NKD2: variants seen among roughly 807,000 people sequenced by gnomAD.
NKD2 encodes the protein NKD inhibitor of Wnt signaling pathway 2.
A neutral mutation model predicts 34.8 loss-of-function variants in NKD2; 43 were observed. That is an observed-to-expected ratio of 1.24 (90% CI 0.97 to 1.60). NKD2 has a LOEUF of 1.60. Among genes scored for constraint, NKD2 ranks in the 40% most tolerant of loss-of-function variants. The probability of loss-of-function intolerance (pLI) is 0.00; values close to 1 mark genes in which losing one functional copy is unlikely to be tolerated. For synonymous variants in NKD2, 278 were observed against 265.1 expected (o/e 1.05, Z -0.47); for missense variants, 675 against 627.1 (o/e 1.08, Z -0.82).
At chr5:1,014,775 G>A (rs1210831576) in intron 3 of NKD2, among the ~76,000 whole-genome samples, 3 of 152,242 alleles carry the variant, frequency 2.0e-5, no homozygotes, top group East Asian at 1.9e-4. Flanking sequence ...TGCGGCCAAG[G>A]GATACCCACT....
In NKD2 at chr5:1,017,955, C is replaced by T. The variant is rs563782501; in HGVS notation, c.141+8395C>T. ...GGGTGTGGGACAGGCCAGGCAGGGG[C>T]GGGGGCTGCCACTTGATGTGGGTGT... On this transcript the variant is annotated intron_variant, in intron 3 of 9. Coordinates refer to ENST00000296849, the MANE Select transcript of NKD2 (RefSeq NM_033120.4). Among the ~76,000 whole-genome samples the T allele has an allele frequency of 7.9e-5, 12 of 151,974 alleles. No individual in the cohort carries two copies. In the South Asian group the frequency reaches 2.3e-3, roughly 29 times the overall value.
At chr5:1,029,551 C>A (rs1271659836) in intron 3 of NKD2, among the ~76,000 whole-genome samples, 2 of 152,162 alleles carry the variant, frequency 1.3e-5, no homozygotes, top group Non-Finnish European at 2.9e-5. Context: ...CCAGTGAAAT[C>A]CCCCACAAGT....
chr5:1,016,346 G>A (rs951589956), intron 3 of NKD2, among the ~76,000 whole-genome samples: 5 of 152,362 alleles, frequency 3.3e-5, no homozygotes, highest in East Asian at 1.9e-4. Context: ...TCACGCTGGC[G>A]TGAAACAAAT....
intron 9 of NKD2, chr5:1,036,785 C>T (rs34309815): frequency 0.42 from 195,542 of 465,624 alleles, 42,773 homozygotes; most frequent in Middle Eastern, 0.51. Context: ...TGTGGATGGC[C>T]GGCAGTGTGG....
chr5:1,033,241 C>G (rs529268157), intron 4 of NKD2, 131 bp from the exon 5 acceptor site: 18 of 883,758 alleles, frequency 2.0e-5, no homozygotes, highest in Non-Finnish European at 3.0e-5. Context: ...GTCCCAAGAT[C>G]GGGCTCTCAG....
At position 1,038,218 on chromosome 5, in the gene NKD2, G is replaced by T. The variant is rs759519236; in HGVS notation, c.1201G>T (p.Ala401Ser). The T allele has an allele frequency of 8.2e-6, 13 of 1,591,120 alleles. No homozygotes were observed. The highest frequency in any genetic ancestry group is 1.7e-5 in the Admixed American group (1 of 57,736). Residue 401 changes from alanine (A) to serine (S), a missense_variant, in exon 10 of 10, where the codon GCT (alanine) becomes TCT (serine). Physicochemically the swap from Ala to Ser is moderately conservative, Grantham distance 99. Coordinates refer to ENST00000296849, the MANE Select transcript of NKD2 (RefSeq NM_033120.4). The surrounding 1 kb of genome is among the most constrained non-coding windows in gnomAD (Gnocchi z 4.5). ...CCACTCGCCACTCAAGGCCCCACAC[G>T]CTCAGCCTGCCACAGTGGAGCACGA... ...EGHSPLKAPH[A>S]QPATVEHEVV...
intron 3 of NKD2, among the ~76,000 whole-genome samples, chr5:1,020,163 T>C (rs1055782748): frequency 1.3e-5 from 2 of 152,104 alleles, no homozygotes; most frequent in African/African-American, 4.8e-5. Flanking sequence ...AGTTGTGAAA[T>C]GGTTGTCTAA....
rs2150754837 is a variant in NKD2, at chr5:1,038,625, T to C, written c.*252T>C. 1 of 730,982 alleles carries C rather than the reference T, an allele frequency of 1.4e-6. No homozygotes were observed. The highest frequency in any genetic ancestry group is 2.3e-6 in the Non-Finnish European group (1 of 428,240). 45.3% of individuals were successfully genotyped at this position (730,982 alleles called of 1,614,324 possible). ...GCGGTGAACACATCTGAAGCCACTA[T>C]GTTTCCTGGCTCTAAGGCTCGTCTG... is the stretch of plus-strand genomic sequence containing the variant. On this transcript the variant is annotated 3_prime_UTR_variant, in exon 10 of 10. Transcript: ENST00000296849. The surrounding 1 kb of genome is among the most constrained non-coding windows in gnomAD (Gnocchi z 4.5).
intron 8 of NKD2, chr5:1,036,045 C>T (rs982456594): frequency 8.2e-7 from 1 of 1,216,484 alleles, no homozygotes; most frequent in Non-Finnish European, 1.0e-6. Flanking sequence ...GGAGGGAGTT[C>T]ACAGGGTTCT....
Position 1,009,248 on chromosome 5 carries a change from C to G in NKD2, c.61+34C>G. The G allele has an allele frequency of 4.1e-6, 2 of 486,402 alleles. No individual in the cohort carries two copies. The highest frequency in any genetic ancestry group is 3.3e-5 in the South Asian group (1 of 30,744). The allele number at this position is 486,402 out of a possible 1,614,324, so 30.1% of individuals were successfully genotyped here. ...GCGAGCCGACGGGCGGGGCGGGGGG[C>G]GGCGACCCGGCCCGGGACCCTCAGA... On this transcript the variant is annotated intron_variant, in intron 2 of 9. Transcript: ENST00000296849. The surrounding 1 kb of genome is among the most constrained non-coding windows in gnomAD (Gnocchi z 6.9).
chr5:1,035,260 TAATG>T lies in NKD2; in HGVS notation c.575-123_575-120del, dbSNP rs371843082. 1,795 of 758,638 alleles carry T rather than the reference TAATG, an allele frequency of 2.4e-3. 20 individuals are homozygous for T. In the African/African-American group the frequency reaches 0.025, roughly 10 times the overall value. 47.0% of individuals were successfully genotyped at this position (758,638 alleles called of 1,614,324 possible). A position where few individuals can be genotyped will look rare whatever the true frequency, so the allele number is the denominator to read the frequency against. ...TGAATGAGTGAACAAGTGAGTGAGT[TAATG>T]AATGAGTGAACCAGTGAGTTAATGA... is the stretch of plus-strand genomic sequence containing the variant. On this transcript the variant is annotated intron_variant, in intron 7 of 9. Coordinates refer to ENST00000296849, the MANE Select transcript of NKD2 (RefSeq NM_033120.4).
chr5:1,015,526 G>T (rs1451425152), intron 3 of NKD2, among the ~76,000 whole-genome samples: 3 of 152,174 alleles, frequency 2.0e-5, no homozygotes, highest in Non-Finnish European at 4.4e-5. Flanking sequence ...TGTCCTTCCT[G>T]CAGGGCTCTC....
chr5:1,033,892 G>A (rs938488432), intron 5 of NKD2, among the ~76,000 whole-genome samples: 3 of 152,216 alleles, frequency 2.0e-5, no homozygotes, highest in African/African-American at 7.2e-5. Context: ...TGGGGTCTCC[G>A]TGTCCAGTCA....
chr5:1,034,277 G>C lies in NKD2; in HGVS notation c.373G>C (p.Glu125Gln), dbSNP rs1173979731. 1 of 1,612,438 alleles carries C rather than the reference G, an allele frequency of 6.2e-7. No individual in the cohort carries two copies. Among genetic ancestry groups the C allele is most frequent in the South Asian group, 1.1e-5 (1 of 91,004 alleles). The part of the protein sequence containing the change: ...DVSVEEDDRQ[E>Q]WTFTLYDFDN... The stretch of plus-strand genomic sequence containing the variant: ...CTCGGTGGAGGAGGACGACCGCCAG[G>C]AGTGGACGTTCACGCTCTATGACTT... Residue 125 changes from glutamate (E) to glutamine (Q), a missense_variant, in exon 6 of 10, where the codon GAG (glutamate) becomes CAG (glutamine). By Grantham distance (29) the Glu-to-Gln change is conservative (BLOSUM62 2). Transcript: ENST00000296849.
chr5:1,036,770 A>G (rs952050446), intron 9 of NKD2: 2 of 472,296 alleles, frequency 4.2e-6, no homozygotes, highest in African/African-American at 2.0e-5. Context: ...GGGGTCGTCC[A>G]GTAGTGTGGA....
Position 1,035,396 on chromosome 5 carries a change from G to T in NKD2, c.582G>T (p.Glu194Asp). 1 of 1,557,730 alleles carries T rather than the reference G, an allele frequency of 6.4e-7. No individual in the cohort carries two copies. ...GCAGGACCCCCCTTTCAGACCGGGAGCCCACCCGTTGCAGGATGGAGGGTG... is the reference window on the plus strand; with the variant it reads ...GCAGGACCCCCCTTTCAGACCGGGATCCCACCCGTTGCAGGATGGAGGGTG... ...KEGPPAGQDR[E>D]PTRCRMEGEL... is the part of the protein sequence containing the mutation. Residue 194 changes from glutamate to aspartate, a missense_variant, in exon 8 of 10, where the codon GAG becomes GAT. Physicochemically the swap from Glu to Asp is conservative, Grantham distance 45 (BLOSUM62 2). Coordinates refer to ENST00000296849, the MANE Select transcript of NKD2 (RefSeq NM_033120.4).
intron 8 of NKD2, 47 bp from the exon 9 acceptor site, chr5:1,036,210 C>T (rs1180776601): frequency 7.4e-6 from 11 of 1,491,996 alleles, no homozygotes; most frequent in Non-Finnish European, 9.9e-6. Context: ...CAGGGGTGCG[C>T]CACCCAGTCT....
intron 3 of NKD2, among the ~76,000 whole-genome samples, chr5:1,023,867 C>T (rs371680268): frequency 1.0e-3 from 5 of 5,010 alleles, no homozygotes; most frequent in African/African-American, 1.1e-3. Context: ...TGTGGGCGTC[C>T]CAGCCCATTG....
intron 3 of NKD2, among the ~76,000 whole-genome samples, chr5:1,019,732 T>C (rs1756100789): frequency 6.6e-6 from 1 of 152,210 alleles, no homozygotes. Flanking sequence ...TGTTCACATA[T>C]GGTGTCTTCC....
Sources: gnomAD v4.1 joint callset for allele counts (sites outside exome capture counted in the v4.1 genomes callset) on GRCh38, gnomAD v4.1.1 for gene constraint, Gnocchi (gnomAD v3.1) non-coding constraint, MANE v1.5 for transcripts, NCBI Gene and HGNC (gene_info 2026-07-23, HGNC 2026-07-21) for gene names.